NEDD9: variants seen among roughly 807,000 people sequenced by gnomAD.
NEDD9 encodes the protein enhancer of filamentation 1.
Under a neutral mutation model 76.6 loss-of-function variants are expected in NEDD9, and 26 were observed. That is an observed-to-expected ratio of 0.34 (90% CI 0.25 to 0.47). The LOEUF (loss-of-function observed/expected upper bound fraction) is 0.47, where lower values mean the gene tolerates loss of function less well. Ranked by LOEUF, NEDD9 falls within the 20% of genes least tolerant of loss-of-function variation. The probability of loss-of-function intolerance (pLI) is 1.00; values close to 1 mark genes in which losing one functional copy is unlikely to be tolerated. For missense variants in NEDD9, 937 were observed against 1,058.5 expected (o/e 0.89, Z 1.59); for synonymous variants, 392 against 414.2 (o/e 0.95, Z 0.65).
At chr6:11,343,596 C>T (rs1334287640) in intron 1 of NEDD9, among the ~76,000 whole-genome samples, 2 of 152,176 alleles carry the variant, frequency 1.3e-5, no homozygotes, top group Admixed American at 1.3e-4. Context: ...TGGGCAAGAA[C>T]TTTTGCCTGT....
intron 1 of NEDD9, among the ~76,000 whole-genome samples, chr6:11,341,945 A>G (rs1582039419): frequency 6.6e-6 from 1 of 152,180 alleles, no homozygotes; most frequent in East Asian, 1.9e-4. Context: ...AATTAATTAG[A>G]GACAAATGGC....
At chr6:11,322,948 T>G (rs1294158881) in intron 2 of NEDD9, among the ~76,000 whole-genome samples, 1 of 152,276 alleles carries the variant, frequency 6.6e-6, no homozygotes, top group Non-Finnish European at 1.5e-5. Flanking sequence ...CTTGGGCAAG[T>G]TACTTATTAA....
At chr6:11,275,530 A>G (rs1004245786) in intron 3 of NEDD9, among the ~76,000 whole-genome samples, 2 of 151,764 alleles carry the variant, frequency 1.3e-5, no homozygotes, top group East Asian at 1.9e-4. Context: ...TTATTTGTCA[A>G]TTAAAATACA....
chr6:11,372,077 C>T (rs918637716), intron 1 of NEDD9, among the ~76,000 whole-genome samples: 21 of 152,108 alleles, frequency 1.4e-4, no homozygotes, highest in African/African-American at 3.6e-4. Context: ...CTAGGTCTTA[C>T]TCATTCTTTC....
In NEDD9 at chr6:11,252,886, A is replaced by G. The variant is rs1285030430; in HGVS notation, c.13-39159T>C. On this transcript the variant is annotated intron_variant, in intron 3 of 3. Transcript: ENST00000397378. The surrounding 1 kb of genome is among the most constrained non-coding windows in gnomAD (Gnocchi z 4.3). ...AGACACAGAAATGGAAGTGATAGGAATGTATTTTTTTTTTCTCCTAAACTT... is the reference window on the plus strand; with the variant it reads ...AGACACAGAAATGGAAGTGATAGGAGTGTATTTTTTTTTTCTCCTAAACTT... Among the ~76,000 whole-genome samples, 5 of 152,220 alleles carry G rather than the reference A, an allele frequency of 3.3e-5. No homozygotes were observed.
chr6:11,192,363 G>T lies in NEDD9; in HGVS notation c.645C>A (p.Asp215Glu), dbSNP rs751821153. ...CACTCACCCCTTTTGTAGGCGGGAT[G>T]TCATACACCCCTTGAGGTTTTATCT... Reference protein sequence around the residue: ...VGEIKPQGVYDIPPTKGVYAI... With the variant: ...VGEIKPQGVYEIPPTKGVYAI... Residue 215 changes from aspartate (D) to glutamate (E), a missense_variant, in exon 4 of 7, where the codon GAC (aspartate) becomes GAA (glutamate). Physicochemically the swap from Asp to Glu is conservative, Grantham distance 45 (BLOSUM62 2). Coordinates refer to ENST00000379446, the MANE Select transcript of NEDD9 (RefSeq NM_006403.4). 6.4e-7 allele frequency: 1 copy of T among 1,563,724 alleles called. No homozygotes were observed. Among genetic ancestry groups the T allele is most frequent in the East Asian group, 2.5e-5 (1 of 40,490 alleles).
At chr6:11,301,850 G>C (rs1393801230) in intron 3 of NEDD9, among the ~76,000 whole-genome samples, 1 of 152,126 alleles carries the variant, frequency 6.6e-6, no homozygotes, top group Non-Finnish European at 1.5e-5. Flanking sequence ...AGAATCTCTG[G>C]GATACATTTA....
At position 11,346,462 on chromosome 6, in the gene NEDD9, T is replaced by C. The variant is rs1302408256; in HGVS notation, c.-213-11901A>G. Among the ~76,000 whole-genome samples, 5 of 136,846 alleles carry C rather than the reference T, an allele frequency of 3.7e-5. No individual in the cohort carries two copies. The East Asian group carries it at 9.8e-4, about 27-fold the overall frequency. The allele number at this position is 136,846 out of a possible 152,430, so 89.8% of individuals were successfully genotyped here. On this transcript the variant is annotated intron_variant, in intron 1 of 3. Coordinates refer to the NEDD9 transcript ENST00000397378. ...GTGGTTCACTTTCGTTGTACTGTTA[T>C]AAGAAGGCTCGGAGGCCCCCCCCCC...
chr6:11,357,729 G>C (rs1298373453), intron 1 of NEDD9, among the ~76,000 whole-genome samples: 1 of 152,240 alleles, frequency 6.6e-6, no homozygotes, highest in Non-Finnish European at 1.5e-5. Flanking sequence ...ATGACCCTAA[G>C]AAAACAAGAT....
chr6:11,336,894 G>A (rs955366983), intron 1 of NEDD9, among the ~76,000 whole-genome samples: 11 of 152,086 alleles, frequency 7.2e-5, no homozygotes, highest in African/African-American at 2.7e-4. Flanking sequence ...GGATCTTCAG[G>A]GGCAATGACA....
intron 3 of NEDD9, among the ~76,000 whole-genome samples, chr6:11,274,673 T>C (rs774518869): frequency 5.3e-5 from 8 of 152,128 alleles, no homozygotes; most frequent in Non-Finnish European, 1.0e-4. Flanking sequence ...CTCAGACCTG[T>C]TAGAATTGCT....
chr6:11,297,498 T>C (rs1760927139), intron 3 of NEDD9, among the ~76,000 whole-genome samples: 1 of 152,234 alleles, frequency 6.6e-6, no homozygotes, highest in Non-Finnish European at 1.5e-5. Context: ...CATTGTCACC[T>C]CTGGAACCAG....
upstream of NEDD9, among the ~76,000 whole-genome samples, chr6:11,233,931 G>C (rs6933985): frequency 0.72 from 108,972 of 151,814 alleles, 39,544 homozygotes; most frequent in East Asian, 0.95. Context: ...TTCCCTTCGC[G>C]TCTAACACAC....
intron 1 of NEDD9, among the ~76,000 whole-genome samples, chr6:11,351,968 G>A (rs867377945): frequency 1.1e-4 from 17 of 152,364 alleles, no homozygotes; most frequent in Middle Eastern, 6.8e-3. Flanking sequence ...GGGAACACCA[G>A]ATGGCTACTG....
rs190523590 is a variant in NEDD9 at position 11,339,550 on chromosome 6, C to G, written c.-213-4989G>C. On this transcript the variant is annotated intron_variant, in intron 1 of 3. Transcript: ENST00000397378. Reference sequence around the variant, plus strand: ...GGAGCAGCTTATGTCTGTTGTGCAACTGGTGCATCCTGCCCCACCAGATCA... The same window carrying G: ...GGAGCAGCTTATGTCTGTTGTGCAAGTGGTGCATCCTGCCCCACCAGATCA... Among the ~76,000 whole-genome samples the G allele has an allele frequency of 1.7e-3, 266 of 152,346 alleles. 1 individual carries two copies. The highest frequency in any genetic ancestry group is 6.1e-3 in the African/African-American group (254 of 41,580).
At chr6:11,353,079 G>C (rs558206968) in intron 1 of NEDD9, among the ~76,000 whole-genome samples, 18 of 152,364 alleles carry the variant, frequency 1.2e-4, no homozygotes, top group African/African-American at 4.3e-4. Flanking sequence ...TCCTGTCGGG[G>C]TCCCAGGCTC....
intron 1 of NEDD9, among the ~76,000 whole-genome samples, chr6:11,215,490 G>A (rs1758928689): frequency 6.6e-6 from 1 of 152,154 alleles, no homozygotes; most frequent in Non-Finnish European, 1.5e-5. Flanking sequence ...TTTAAGGATG[G>A]TGTCATAATC....
At chr6:11,304,638 G>A (rs915895865) in intron 3 of NEDD9, among the ~76,000 whole-genome samples, 2 of 152,188 alleles carry the variant, frequency 1.3e-5, no homozygotes, top group Non-Finnish European at 2.9e-5. Context: ...AAAAAAGGAT[G>A]AGTTCATGTC....
intron 2 of NEDD9, among the ~76,000 whole-genome samples, chr6:11,321,147 C>CAGAAGGAAGGAGGGAGGGAA (rs763882382): frequency 6.1e-5 from 7 of 114,786 alleles, no homozygotes; most frequent in South Asian, 2.7e-4. Context: ...AAGGGAGGGA[C>CAGAAGGAAGGAGGGAGGGAA]AGAAGGAAGG....
Sources: gnomAD v4.1 joint callset for allele counts (sites outside exome capture counted in the v4.1 genomes callset) on GRCh38, gnomAD v4.1.1 for gene constraint, Gnocchi (gnomAD v3.1) non-coding constraint, MANE v1.5 for transcripts, NCBI Gene and HGNC (gene_info 2026-07-23, HGNC 2026-07-21) for gene names.